The following FBF1 variants were observed in gnomAD, a reference collection of about 807,000 sequenced individuals.
FBF1 encodes Fas binding factor 1, also known as fas-binding factor 1.
FBF1 carries 119 observed loss-of-function variants against 147.2 expected under a neutral mutation model. The observed-to-expected ratio is 0.81, with a 90% confidence interval of 0.70 to 0.94. The LOEUF (loss-of-function observed/expected upper bound fraction) is 0.94. FBF1 is among the 40% of genes least tolerant of loss of function. The pLI, the probability that FBF1 is intolerant of heterozygous loss-of-function variation, is 0.00. For synonymous variants in FBF1, 601 were observed against 609.0 expected (o/e 0.99, Z 0.19); for missense variants, 1,449 against 1,500.8 (o/e 0.97, Z 0.57).
At position 75,926,138 on chromosome 17, in the gene FBF1, T is replaced by C. The variant is rs1333201047; in HGVS notation, c.760A>G (p.Thr254Ala). The C allele has an allele frequency of 2.3e-5, 37 of 1,610,126 alleles. No individual in the cohort carries two copies. Among genetic ancestry groups the C allele is most frequent in the Non-Finnish European group, 3.0e-5 (35 of 1,178,858 alleles). The change falls in exon 12 of 30, where the codon ACG becomes GCG. Residue 254 changes from threonine (T) to alanine (A), a missense_variant. By Grantham distance (58) the Thr-to-Ala change is moderately conservative. Transcript: ENST00000636174. Reference protein sequence around the residue: ...DQEGPRPARSTLDELLGRGMA... With the variant: ...DQEGPRPARSALDELLGRGMA... ...CCTCGACCCAGCAGCTCATCCAGCGTGGAGCGAGCAGGGCGAGGCCCTTCC... is the reference window on the plus strand; with the variant it reads ...CCTCGACCCAGCAGCTCATCCAGCGCGGAGCGAGCAGGGCGAGGCCCTTCC...
chr17:75,930,271 C>A (rs2065586606), intron 6 of FBF1: 1 of 581,246 alleles, frequency 1.7e-6, no homozygotes, highest in Non-Finnish European at 3.1e-6. Flanking sequence ...GAGAGCACTG[C>A]CATTCCTACT....
Position 75,925,268 on chromosome 17 carries a change from C to A in FBF1, c.968+79G>T. 1 of 1,112,282 alleles carries A rather than the reference C, an allele frequency of 9.0e-7. No individual in the cohort carries two copies. The highest frequency in any genetic ancestry group is 1.3e-6 in the Non-Finnish European group (1 of 767,956). 68.9% of individuals were successfully genotyped at this position (1,112,282 alleles called of 1,614,324 possible). A position where few individuals can be genotyped will look rare whatever the true frequency, so the allele number is the denominator to read the frequency against. ...TCCCACATGAGACTCTCGGGTGGGA[C>A]AGGGGACAGCTGCAGGGGCCTGTCT... On this transcript the variant is annotated intron_variant, in intron 13 of 29. Coordinates refer to ENST00000636174, the MANE Select transcript of FBF1 (RefSeq NM_001319193.2). This position sits in a 1 kb window ranked among gnomAD's most constrained non-coding sequence, Gnocchi z 5.0.
intron 5 of FBF1, among the ~76,000 whole-genome samples, chr17:75,932,512 G>A (rs2065600243): frequency 6.6e-6 from 1 of 152,174 alleles, no homozygotes. Context: ...AGCACTTTGG[G>A]AGACTGAGTG....
chr17:75,919,210 A>AGTCTTAAAG lies in FBF1; in HGVS notation c.2138+457_2138+458insCTTTAAGAC, dbSNP rs1237859380. On this transcript the variant is annotated intron_variant, in intron 20 of 29. Coordinates refer to ENST00000636174, the MANE Select transcript of FBF1 (RefSeq NM_001319193.2). This position sits in a 1 kb window ranked among gnomAD's most constrained non-coding sequence, Gnocchi z 5.0. Reference sequence around the variant, plus strand: ...GTGTGAGCCACTGCACCCGGCCCTGAGCAGTCTTAAAAGGCTGCCTCTGCC... The same window carrying AGTCTTAAAG: ...GTGTGAGCCACTGCACCCGGCCCTGAGTCTTAAAGGCAGTCTTAAAAGGCTGCCTCTGCC... Among the ~76,000 whole-genome samples the AGTCTTAAAG allele has an allele frequency of 1.3e-5, 2 of 152,200 alleles. No homozygotes were observed. Among genetic ancestry groups the AGTCTTAAAG allele is most frequent in the Non-Finnish European group, 2.9e-5 (2 of 68,036 alleles).
In FBF1 at chr17:75,923,512, G is replaced by A. The variant is rs2144173873; in HGVS notation, c.1098C>T (p.Asp366=). 6.2e-7 allele frequency: 1 copy of A among 1,605,854 alleles called. No homozygotes were observed. The highest frequency in any genetic ancestry group is 8.5e-7 in the Non-Finnish European group (1 of 1,176,530). The change falls in exon 14 of 30, where the codon GAC becomes GAT. Residue 366 remains aspartate (D), a synonymous_variant. Transcript: ENST00000636174. The surrounding 1 kb of genome is among the most constrained non-coding windows in gnomAD (Gnocchi z 4.1). ...TGGGTGAGGCAGGGAACAGGTCCAA[G>A]TCCTCGTCCTTGAGGCCCAACCAGT... ...GADWLGLKDE[D]LDLFPASPTR... is the part of the protein sequence containing the mutation.
rs1421031984 is a variant in FBF1 at position 75,928,461 on chromosome 17, G to A, written c.280-268C>T. 6.6e-6 allele frequency among the ~76,000 whole-genome samples: 1 copy of A among 152,096 alleles called. No homozygotes were observed. Among genetic ancestry groups the A allele is most frequent in the Non-Finnish European group, 1.5e-5 (1 of 68,024 alleles). The stretch of plus-strand genomic sequence containing the variant: ...TTGAGTCAGAGGACTTGTGGGTTAT[G>A]CCCAGGGATCCTAGGTGGCTGGTCT... On this transcript the variant is annotated intron_variant, in intron 7 of 29. Coordinates refer to ENST00000636174, the MANE Select transcript of FBF1 (RefSeq NM_001319193.2). This position sits in a 1 kb window ranked among gnomAD's most constrained non-coding sequence, Gnocchi z 4.2.
intron 3 of FBF1, among the ~76,000 whole-genome samples, chr17:75,936,565 C>T (rs1199525005): frequency 6.6e-6 from 1 of 151,950 alleles, no homozygotes; most frequent in African/African-American, 2.4e-5. Flanking sequence ...ATCCCAATTA[C>T]TGGGGAGGCT....
chr17:75,931,870 C>G (rs1434968493), intron 5 of FBF1, among the ~76,000 whole-genome samples: 2 of 152,124 alleles, frequency 1.3e-5, no homozygotes, highest in Non-Finnish European at 2.9e-5. Flanking sequence ...CTCCCTATCT[C>G]TCATCTGTGG....
At chr17:75,927,252 C>A (rs1489095508) in intron 9 of FBF1, among the ~76,000 whole-genome samples, 1 of 152,228 alleles carries the variant, frequency 6.6e-6, no homozygotes, top group Non-Finnish European at 1.5e-5. Flanking sequence ...CAGTTTGATG[C>A]CTGGCTTTAA....
intron 23 of FBF1, among the ~76,000 whole-genome samples, chr17:75,916,933 C>T (rs1289077699): frequency 6.6e-6 from 1 of 152,248 alleles, no homozygotes; most frequent in Non-Finnish European, 1.5e-5. Flanking sequence ...TCACTGCAGC[C>T]TCTGTGTCCT....
intron 13 of FBF1, among the ~76,000 whole-genome samples, chr17:75,924,136 C>T (rs2144175127): frequency 6.6e-6 from 1 of 152,198 alleles, no homozygotes; most frequent in South Asian, 2.1e-4. Context: ...ATTGCTTGAA[C>T]CCGGGAGGCA....
At chr17:75,939,023 C>T (rs373972835) in intron 1 of FBF1, among the ~76,000 whole-genome samples, 7 of 151,762 alleles carry the variant, frequency 4.6e-5, no homozygotes, top group East Asian at 1.9e-4. Context: ...AGGCTGGGCG[C>T]GGTGGCTCAC....
intron 29 of FBF1, 128 bp downstream of exon 29, chr17:75,912,064 A>C: frequency 1.2e-6 from 1 of 841,874 alleles, no homozygotes; most frequent in Non-Finnish European, 1.9e-6. Context: ...TCACTAAGCA[A>C]ACTGCAGTTT....
intron 2 of FBF1, chr17:75,937,907 ACTC>A (rs1200689665): frequency 3.2e-6 from 2 of 630,236 alleles, no homozygotes; most frequent in Middle Eastern, 4.0e-4. Flanking sequence ...CGTGCCCCTG[ACTC>A]CTCAATACCA....
At position 75,913,956 on chromosome 17, in the gene FBF1, T is replaced by TG; in HGVS notation, c.3085dup (p.Gln1029ProfsTer37). ...CTGCTTCCGCAGCCGCTCCTGCTGT[T>TG]GCTGCACCGCCTGCAACCGGGCCTG... is the stretch of plus-strand genomic sequence containing the variant. On this transcript the variant is annotated frameshift_variant, in exon 27 of 30. Coordinates refer to ENST00000636174, the MANE Select transcript of FBF1 (RefSeq NM_001319193.2). LOFTEE classifies it high-confidence loss of function. 1 of 1,553,440 alleles carries TG rather than the reference T, an allele frequency of 6.4e-7. No individual in the cohort carries two copies. The highest frequency in any genetic ancestry group is 8.7e-7 in the Non-Finnish European group (1 of 1,155,428).
At chr17:75,931,158 C>G (rs1422146897) in intron 6 of FBF1, 71 bp downstream of exon 6, 1 of 1,502,536 alleles carries the variant, frequency 6.7e-7, no homozygotes, top group African/African-American at 1.4e-5. Context: ...GTGGGCAGCC[C>G]CTTGGCCACA....
chr17:75,926,677 G>T (rs1353540067), intron 10 of FBF1, 81 bp downstream of exon 10: 1 of 1,545,788 alleles, frequency 6.5e-7, no homozygotes, highest in Non-Finnish European at 8.8e-7. Flanking sequence ...AGAGGCCTCT[G>T]GTTCTGCACC....
intron 23 of FBF1, 24 bp downstream of exon 23, chr17:75,917,708 G>T (rs2065496937): frequency 6.5e-7 from 1 of 1,541,374 alleles, no homozygotes. Flanking sequence ...GGAGGGGCAG[G>T]AGGGCCAGGA....
At position 75,925,894 on chromosome 17, in the gene FBF1, T is replaced by A. The variant is rs1333797639; in HGVS notation, c.868+136A>T. 5.6e-6 allele frequency: 7 copies of A among 1,258,914 alleles called. No individual in the cohort carries two copies. The African/African-American group carries it at 1.1e-4, about 19-fold the overall frequency. 78.0% of individuals were successfully genotyped at this position (1,258,914 alleles called of 1,614,324 possible). A position where few individuals can be genotyped will look rare whatever the true frequency, so the allele number is the denominator to read the frequency against. On this transcript the variant is annotated intron_variant, in intron 12 of 29. Coordinates refer to ENST00000636174, the MANE Select transcript of FBF1 (RefSeq NM_001319193.2). This position sits in a 1 kb window ranked among gnomAD's most constrained non-coding sequence, Gnocchi z 5.0. ...AGTATTATTTCACGGTAAGTATTAT[T>A]TTGTCTCAGCTATAGACGTGTATAA...
Sources: allele counts gnomAD v4.1 joint callset (sites outside exome capture counted in the v4.1 genomes callset), GRCh38; gene constraint gnomAD v4.1.1; non-coding constraint Gnocchi (gnomAD v3.1); transcripts MANE v1.5; gene names NCBI Gene and HGNC (gene_info 2026-07-23, HGNC 2026-07-21).